Variants in H4C4 observed in about 807,000 individuals in gnomAD.
The protein encoded by H4C4 is histone H4.
A neutral mutation model predicts 4.4 loss-of-function variants in H4C4; 8 were observed. That is an observed-to-expected ratio of 1.81 (90% CI 1.06 to 3.27). The LOEUF is 3.27. Ranked by LOEUF, H4C4 falls within the 30% of genes most tolerant of loss-of-function variation. The probability of loss-of-function intolerance (pLI) is 0.00; values close to 1 mark genes in which losing one functional copy is unlikely to be tolerated. For missense variants in H4C4, 223 were observed against 148.9 expected, an observed-to-expected ratio of 1.50 and a Z score of -2.59; for synonymous variants, 130 against 59.4, an observed-to-expected ratio of 2.19 and a Z score of -5.46.
chr6:26,189,005 A>T lies in H4C4; in HGVS notation c.72T>A (p.Arg24=). Residue 24 remains arginine (R), a synonymous_variant, in exon 1 of 1, where the codon CGT becomes CGA. Coordinates refer to ENST00000614247, the MANE Select transcript of H4C4 (RefSeq NM_003539.4). ...GGAKRHRKVL[R]DNIQGITKPA... The stretch of plus-strand genomic sequence containing the variant: ...GCTTGGTGATTCCTTGGATATTGTC[A>T]CGCAATACCTTACGGTGACGCTTGG... 1.2e-6 allele frequency: 2 copies of T among 1,613,928 alleles called. No homozygotes were observed. The highest frequency in any genetic ancestry group is 1.7e-6 in the Non-Finnish European group (2 of 1,179,876).
Position 26,188,879 on chromosome 6 carries a change from T to C in H4C4, c.198A>G (p.Val66=), listed in dbSNP as rs1258040522. ...RGVLKVFLEN[V]IRDAVTYTEH... ...CCGTGTAGGTGACAGCATCGCGGAT[T>C]ACATTTTCCAGGAAAACTTTCAGCA... The change falls in exon 1 of 1, where the codon GTA becomes GTG. Residue 66 remains valine (V), a synonymous_variant. Transcript: ENST00000614247. The C allele has an allele frequency of 1.2e-6, 2 of 1,614,220 alleles. No individual in the cohort carries two copies. Among genetic ancestry groups the C allele is most frequent in the Non-Finnish European group, 1.7e-6 (2 of 1,180,036 alleles).
rs1561977373 is a variant in H4C4 at position 26,188,741 on chromosome 6, CG to C, written c.*23del. 6.2e-7 allele frequency: 1 copy of C among 1,602,216 alleles called. No homozygotes were observed. Among genetic ancestry groups the C allele is most frequent in the East Asian group, 2.2e-5 (1 of 44,730 alleles). ...GCCCTGAAAAGGGCCGTTGGTTTTG[CG>C]GTAGTGTACTGTAGAGGTAAGCTCA... On this transcript the variant is annotated 3_prime_UTR_variant, in exon 1 of 1. Coordinates refer to ENST00000614247, the MANE Select transcript of H4C4 (RefSeq NM_003539.4).
rs1561977405 is a variant in H4C4, at chr6:26,188,759, G to GT, written c.*5dup. 6.2e-6 allele frequency: 10 copies of GT among 1,613,938 alleles called. No individual in the cohort carries two copies. Among genetic ancestry groups the GT allele is most frequent in the Non-Finnish European group, 8.5e-6 (10 of 1,179,964 alleles). ...GGTTTTGCGGTAGTGTACTGTAGAG[G>GT]TAAGCTCAGCCGCCGAAGCCATAAA... is the stretch of plus-strand genomic sequence containing the variant. On this transcript the variant is annotated 3_prime_UTR_variant, in exon 1 of 1. Transcript: ENST00000614247.
At position 26,188,914 on chromosome 6, in the gene H4C4, T is replaced by C. The variant is rs1278085962; in HGVS notation, c.163A>G (p.Thr55Ala). 2 of 1,614,192 alleles carry C rather than the reference T, an allele frequency of 1.2e-6. No individual in the cohort carries two copies. The highest frequency in any genetic ancestry group is 1.1e-5 in the South Asian group (1 of 91,090). The change falls in exon 1 of 1, where the codon ACT (threonine) becomes GCT (alanine). Residue 55 changes from threonine to alanine, a missense_variant. Thr to Ala is a moderately conservative substitution (Grantham distance 58). Coordinates refer to ENST00000614247, the MANE Select transcript of H4C4 (RefSeq NM_003539.4). Reference protein sequence around the residue: ...KRISGLIYEETRGVLKVFLEN... With the variant: ...KRISGLIYEEARGVLKVFLEN... ...AGGAAAACTTTCAGCACTCCGCGAG[T>C]TTCCTCATAAATGAGGCCAGAAATA...
Position 26,188,795 on chromosome 6 carries a change from C to T in H4C4, c.282G>A (p.Gln94=), listed in dbSNP as rs757286384. 5 of 1,614,236 alleles carry T rather than the reference C, an allele frequency of 3.1e-6. No homozygotes were observed. The highest frequency in any genetic ancestry group is 1.3e-5 in the African/African-American group (1 of 75,068). Residue 94 remains glutamine (Q), a synonymous_variant, in exon 1 of 1, where the codon CAG becomes CAA. Transcript: ENST00000614247. The part of the protein sequence containing the change: ...AMDVVYALKR[Q]GRTLYGFGG ...CGCCGAAGCCATAAAGAGTGCGTCCCTGGCGCTTGAGCGCGTACACCACGT... is the reference window on the plus strand; with the variant it reads ...CGCCGAAGCCATAAAGAGTGCGTCCTTGGCGCTTGAGCGCGTACACCACGT...
Position 26,189,064 on chromosome 6 carries a change from C to G in H4C4, c.13G>C (p.Gly5Arg). The change falls in exon 1 of 1, where the codon GGT becomes CGT. Residue 5 changes from glycine (G) to arginine (R), a missense_variant. Coordinates refer to ENST00000614247, the MANE Select transcript of H4C4 (RefSeq NM_003539.4). MSGRGKGGKGLGKGG... is the reference protein window; with the variant it reads MSGRRKGGKGLGKGG... ...TTACCTAGACCCTTTCCGCCCTTAC[C>G]GCGGCCAGACATCTTGAAACCACAG... 6.3e-7 allele frequency: 1 copy of G among 1,586,012 alleles called. No homozygotes were observed. The highest frequency in any genetic ancestry group is 8.6e-7 in the Non-Finnish European group (1 of 1,163,662).
At position 26,189,108 on chromosome 6, in the gene H4C4, A is replaced by G. The variant is rs754511546; in HGVS notation, c.-32T>C. On this transcript the variant is annotated 5_prime_UTR_variant, in exon 1 of 1. Coordinates refer to ENST00000614247, the MANE Select transcript of H4C4 (RefSeq NM_003539.4). The stretch of plus-strand genomic sequence containing the variant: ...ACCACAGCTGTTAAATCTGTAACGC[A>G]ATACGTCTGGCAGAGCCACGCAGCA... 49 of 1,538,884 alleles carry G rather than the reference A, an allele frequency of 3.2e-5. 1 individual carries two copies. The South Asian group carries it at 4.5e-4, about 14-fold the overall frequency.
In H4C4 at chr6:26,188,972, G is replaced by A. The variant is rs746577882; in HGVS notation, c.105C>T (p.Ile35=). ...DNIQGITKPA[I]RRLARRGGVK... ...CGCCGCCGCGGCGAGCCAGGCGGCG[G>A]ATAGCGGGCTTGGTGATTCCTTGGA... The change falls in exon 1 of 1, where the codon ATC becomes ATT. Residue 35 remains isoleucine (I), a synonymous_variant. Transcript: ENST00000614247. The A allele has an allele frequency of 3.7e-6, 6 of 1,614,178 alleles. No homozygotes were observed. Among genetic ancestry groups the A allele is most frequent in the South Asian group, 2.2e-5 (2 of 91,086 alleles).
Position 26,188,927 on chromosome 6 carries a change from G to A in H4C4, c.150C>T (p.Leu50=), listed in dbSNP as rs760487699. 2 of 1,614,118 alleles carry A rather than the reference G, an allele frequency of 1.2e-6. No homozygotes were observed. The highest frequency in any genetic ancestry group is 1.7e-5 in the Admixed American group (1 of 60,014). The change falls in exon 1 of 1, where the codon CTC becomes CTT. Residue 50 remains leucine (L), a synonymous_variant. Transcript: ENST00000614247. ...GCACTCCGCGAGTTTCCTCATAAAT[G>A]AGGCCAGAAATACGCTTGACGCCGC... ...RRGGVKRISG[L]IYEETRGVLK...
rs747969611 is a variant in H4C4 at position 26,189,090 on chromosome 6, C to T, written c.-14G>A. On this transcript the variant is annotated 5_prime_UTR_variant, in exon 1 of 1. Coordinates refer to ENST00000614247, the MANE Select transcript of H4C4 (RefSeq NM_003539.4). The stretch of plus-strand genomic sequence containing the variant: ...GCGGCCAGACATCTTGAAACCACAG[C>T]TGTTAAATCTGTAACGCAATACGTC... The T allele has an allele frequency of 8.3e-6, 13 of 1,562,798 alleles. No individual in the cohort carries two copies. The highest frequency in any genetic ancestry group is 6.8e-5 in the East Asian group (3 of 44,228).
Position 26,188,975 on chromosome 6 carries a change from A to C in H4C4, c.102T>G (p.Ala34=). ...CGCCGCGGCGAGCCAGGCGGCGGAT[A>C]GCGGGCTTGGTGATTCCTTGGATAT... ...RDNIQGITKP[A]IRRLARRGGV... The change falls in exon 1 of 1, where the codon GCT becomes GCG. Residue 34 remains alanine (A), a synonymous_variant. Coordinates refer to ENST00000614247, the MANE Select transcript of H4C4 (RefSeq NM_003539.4). 2 of 1,614,196 alleles carry C rather than the reference A, an allele frequency of 1.2e-6. No individual in the cohort carries two copies. The highest frequency in any genetic ancestry group is 1.7e-6 in the Non-Finnish European group (2 of 1,180,012).
rs746214961 is a variant in H4C4, at chr6:26,188,954, G to C, written c.123C>G (p.Arg41=). Residue 41 remains arginine, a synonymous_variant, in exon 1 of 1, where the codon CGC becomes CGG. Coordinates refer to ENST00000614247, the MANE Select transcript of H4C4 (RefSeq NM_003539.4). The stretch of plus-strand genomic sequence containing the variant: ...GGCCAGAAATACGCTTGACGCCGCC[G>C]CGGCGAGCCAGGCGGCGGATAGCGG... ...TKPAIRRLAR[R]GGVKRISGLI... is the part of the protein sequence containing the mutation. The C allele has an allele frequency of 6.2e-7, 1 of 1,614,172 alleles. No homozygotes were observed. The highest frequency in any genetic ancestry group is 1.1e-5 in the South Asian group (1 of 91,084).
Position 26,188,921 on chromosome 6 carries a change from A to T in H4C4, c.156T>A (p.Tyr52Ter). 2 of 1,614,186 alleles carry T rather than the reference A, an allele frequency of 1.2e-6. No homozygotes were observed. The highest frequency in any genetic ancestry group is 1.7e-6 in the Non-Finnish European group (2 of 1,179,994). The change falls in exon 1 of 1, where the codon TAT becomes TAA. Residue 52 changes from tyrosine to a stop codon, truncating the protein, a stop_gained. Coordinates refer to ENST00000614247, the MANE Select transcript of H4C4 (RefSeq NM_003539.4). LOFTEE classifies it high-confidence loss of function. ...CTTTCAGCACTCCGCGAGTTTCCTC[A>T]TAAATGAGGCCAGAAATACGCTTGA... is the stretch of plus-strand genomic sequence containing the variant. ...GGVKRISGLI[Y>*]EETRGVLKVF... is the part of the protein sequence containing the mutation.
rs765008574 is a variant in H4C4, at chr6:26,188,920, C to A, written c.157G>T (p.Glu53Ter). 11 of 1,614,238 alleles carry A rather than the reference C, an allele frequency of 6.8e-6. No individual in the cohort carries two copies. The highest frequency in any genetic ancestry group is 9.3e-6 in the Non-Finnish European group (11 of 1,180,034). ...ACTTTCAGCACTCCGCGAGTTTCCT[C>A]ATAAATGAGGCCAGAAATACGCTTG... ...GVKRISGLIY[E>*]ETRGVLKVFL... Residue 53 changes from glutamate to a stop codon, truncating the protein, a stop_gained, in exon 1 of 1, where the codon GAG (glutamate) becomes TAG (stop). Transcript: ENST00000614247. LOFTEE classifies it high-confidence loss of function.
At position 26,189,048 on chromosome 6, in the gene H4C4, C is replaced by T. The variant is rs368566658; in HGVS notation, c.29G>A (p.Gly10Asp). The change falls in exon 1 of 1, where the codon GGT (glycine) becomes GAT (aspartate). Residue 10 changes from glycine (G) to aspartate (D), a missense_variant. Transcript: ENST00000614247. MSGRGKGGK[G>D]LGKGGAKRHR... ...ACGCTTGGCGCCACCCTTACCTAGA[C>T]CCTTTCCGCCCTTACCGCGGCCAGA... The T allele has an allele frequency of 2.1e-5, 33 of 1,592,972 alleles. No individual in the cohort carries two copies. In the African/African-American group the frequency reaches 2.2e-4, roughly 10 times the overall value.
At position 26,188,714 on chromosome 6, in the gene H4C4, T is replaced by C. The variant is rs777581565; in HGVS notation, c.*51A>G. ...CTACTCTTTCTCCTGAGTGGATAGGTGGCCCTGAAAAGGGCCGTTGGTTTT... is the reference window on the plus strand; with the variant it reads ...CTACTCTTTCTCCTGAGTGGATAGGCGGCCCTGAAAAGGGCCGTTGGTTTT... On this transcript the variant is annotated 3_prime_UTR_variant, in exon 1 of 1. Transcript: ENST00000614247. The C allele has an allele frequency of 6.5e-7, 1 of 1,533,020 alleles. No individual in the cohort carries two copies. Among genetic ancestry groups the C allele is most frequent in the Non-Finnish European group, 8.9e-7 (1 of 1,118,146 alleles). 95.0% of individuals were successfully genotyped at this position (1,533,020 alleles called of 1,614,324 possible). A position where few individuals can be genotyped will look rare whatever the true frequency, so the allele number is the denominator to read the frequency against.
In H4C4 at chr6:26,188,739, T is replaced by C; in HGVS notation, c.*26A>G. 1 of 1,602,298 alleles carries C rather than the reference T, an allele frequency of 6.2e-7. No individual in the cohort carries two copies. Among genetic ancestry groups the C allele is most frequent in the South Asian group, 1.1e-5 (1 of 90,116 alleles). On this transcript the variant is annotated 3_prime_UTR_variant, in exon 1 of 1. Transcript: ENST00000614247. The stretch of plus-strand genomic sequence containing the variant: ...TGGCCCTGAAAAGGGCCGTTGGTTT[T>C]GCGGTAGTGTACTGTAGAGGTAAGC...
In H4C4 at chr6:26,188,847, G is replaced by A. The variant is rs779904879; in HGVS notation, c.230C>T (p.Ala77Val). The A allele has an allele frequency of 1.9e-6, 3 of 1,614,132 alleles. No homozygotes were observed. The highest frequency in any genetic ancestry group is 1.3e-5 in the African/African-American group (1 of 74,950). The change falls in exon 1 of 1, where the codon GCC becomes GTC. Residue 77 changes from alanine to valine, a missense_variant. Ala to Val is a moderately conservative substitution (Grantham distance 64). Transcript: ENST00000614247. ...IRDAVTYTEH[A>V]KRKTVTAMDV... is the part of the protein sequence containing the mutation. ...CATGGCTGTGACTGTCTTGCGTTTGGCGTGTTCCGTGTAGGTGACAGCATC... is the reference window on the plus strand; with the variant it reads ...CATGGCTGTGACTGTCTTGCGTTTGACGTGTTCCGTGTAGGTGACAGCATC...
At position 26,188,896 on chromosome 6, in the gene H4C4, C is replaced by A; in HGVS notation, c.181G>T (p.Val61Phe). ...IYEETRGVLK[V>F]FLENVIRDAV... ...TCGCGGATTACATTTTCCAGGAAAA[C>A]TTTCAGCACTCCGCGAGTTTCCTCA... Residue 61 changes from valine to phenylalanine, a missense_variant, in exon 1 of 1, where the codon GTT becomes TTT. Val to Phe is a conservative substitution (Grantham distance 50). Coordinates refer to ENST00000614247, the MANE Select transcript of H4C4 (RefSeq NM_003539.4). The A allele has an allele frequency of 6.2e-7, 1 of 1,614,228 alleles. No individual in the cohort carries two copies. The highest frequency in any genetic ancestry group is 8.5e-7 in the Non-Finnish European group (1 of 1,180,042).
Sources: gnomAD v4.1 joint callset for allele counts on GRCh38, gnomAD v4.1.1 for gene constraint, MANE v1.5 for transcripts, NCBI Gene and HGNC (gene_info 2026-07-23, HGNC 2026-07-21) for gene names.